The following EVC2 variants were observed in gnomAD, a reference collection of about 807,000 sequenced individuals.
EVC2 encodes EvC ciliary complex subunit 2.
EVC2 carries 148 observed loss-of-function variants against 149.3 expected under a neutral mutation model. The observed-to-expected ratio is 0.99, with a 90% CI of 0.87 to 1.14. The LOEUF (loss-of-function observed/expected upper bound fraction) is 1.14. EVC2 is among the 50% of genes most tolerant of loss of function. The pLI, the probability that EVC2 is intolerant of heterozygous loss-of-function variation, is 0.00. For missense variants in EVC2, 1,854 were observed against 1,627.3 expected, an observed-to-expected ratio of 1.14 and a Z score of -2.40; for synonymous variants, 776 against 649.9, an observed-to-expected ratio of 1.19 and a Z score of -2.95.
At chr4:5,534,598 C>A in the EVC2 span, among the ~76,000 whole-genome samples, 1 of 152,110 alleles carries the variant, frequency 6.6e-6, no homozygotes, top group East Asian at 1.9e-4. Flanking sequence ...AAATAATAAG[C>A]CCCTGCTAAT....
intron 20 of EVC2, among the ~76,000 whole-genome samples, chr4:5,566,751 C>A (rs1381342828): frequency 1.3e-5 from 2 of 152,056 alleles, no homozygotes; most frequent in African/African-American, 4.8e-5. Context: ...CTTGGCCTGT[C>A]CATCTCTCCC....
intron 17 of EVC2, among the ~76,000 whole-genome samples, chr4:5,579,640 G>A (rs1711579637): frequency 1.3e-5 from 2 of 152,122 alleles, no homozygotes; most frequent in South Asian, 2.1e-4. Flanking sequence ...TCAGGAGTTC[G>A]AGACCAGCCT....
At chr4:5,661,604 A>T (rs1323784913) in intron 9 of EVC2, among the ~76,000 whole-genome samples, 1 of 152,256 alleles carries the variant, frequency 6.6e-6, no homozygotes, top group Non-Finnish European at 1.5e-5. Flanking sequence ...ATTTTTGGCC[A>T]AAACAACGGA....
In EVC2 at chr4:5,689,183, T is replaced by C. The variant is rs944632876; in HGVS notation, c.680A>G (p.Gln227Arg). 9.9e-6 allele frequency: 16 copies of C among 1,614,226 alleles called. No homozygotes were observed. Among genetic ancestry groups the C allele is most frequent in the African/African-American group, 1.3e-5 (1 of 75,054 alleles). Residue 227 changes from glutamine (Q) to arginine (R), a missense_variant, in exon 5 of 22, where the codon CAG (glutamine) becomes CGG (arginine). Coordinates refer to ENST00000344408, the MANE Select transcript of EVC2 (RefSeq NM_147127.5). ...SVGNRTSEGF[Q>R]AFSKKFLQVG... is the part of the protein sequence containing the mutation. ...TTGCAGAAACTTCTTGCTAAAAGCC[T>C]GGAATCCTTCCGAGGTCCTGTTTCC... is the stretch of plus-strand genomic sequence containing the variant.
chr4:5,560,032 G>A (rs949559311), downstream of EVC2, among the ~76,000 whole-genome samples: 11 of 151,896 alleles, frequency 7.2e-5, no homozygotes, highest in African/African-American at 1.2e-4. The surrounding 1 kb of genome is among the most constrained non-coding windows in gnomAD (Gnocchi z 4.1). Flanking sequence ...CAGGATTTTC[G>A]TATGTGCGTC....
At chr4:5,624,031 T>C (rs1277820727) in intron 13 of EVC2, among the ~76,000 whole-genome samples, 2 of 152,146 alleles carry the variant, frequency 1.3e-5, no homozygotes, top group African/African-American at 4.8e-5. Context: ...AAAGCTAAGA[T>C]CATTGAGAGA....
intron 7 of EVC2, among the ~76,000 whole-genome samples, chr4:5,673,788 T>C (rs1278274667): frequency 6.6e-6 from 1 of 152,178 alleles, no homozygotes; most frequent in African/African-American, 2.4e-5. Flanking sequence ...GTTTACAGAG[T>C]TTGACTTCAT....
At chr4:5,661,163 T>A (rs1343800357) in intron 9 of EVC2, among the ~76,000 whole-genome samples, 1 of 152,128 alleles carries the variant, frequency 6.6e-6, no homozygotes, top group African/African-American at 2.4e-5. Context: ...AAAAAAAGTT[T>A]CCTGTAAATG....
chr4:5,545,304 A>G (rs886209450), intron 21 of EVC2, among the ~76,000 whole-genome samples: 1 of 152,220 alleles, frequency 6.6e-6, no homozygotes, highest in Admixed American at 6.5e-5. Flanking sequence ...TTCCACTTTC[A>G]GGCCAGGGAA....
Position 5,555,017 on chromosome 4 carries a change from C to CGTGT in EVC2, c.3419+10237_3419+10240dup, listed in dbSNP as rs35387388. Among the ~76,000 whole-genome samples the CGTGT allele has an allele frequency of 9.2e-4, 137 of 149,306 alleles. 1 individual carries two copies. The highest frequency in any genetic ancestry group is 2.5e-3 in the African/African-American group (103 of 40,856). On this transcript the variant is annotated intron_variant and NMD_transcript_variant, in intron 21 of 22. Coordinates refer to the EVC2 transcript ENST00000475313. ...GCATTAGATAACTAGAGAGAGGAAG[C>CGTGT]GTGTGTGTGTGTGTGTGTGTGTGTG...
At chr4:5,687,784 G>T (rs1720824993) in intron 5 of EVC2, among the ~76,000 whole-genome samples, 1 of 152,176 alleles carries the variant, frequency 6.6e-6, no homozygotes, top group Non-Finnish European at 1.5e-5. Flanking sequence ...GCGGGGAAAT[G>T]AGATGAGAGA....
chr4:5,706,066 C>G (rs1722111406), intron 1 of EVC2, among the ~76,000 whole-genome samples: 1 of 152,042 alleles, frequency 6.6e-6, no homozygotes, highest in African/African-American at 2.4e-5. Flanking sequence ...ACATGCGGGC[C>G]ACACCCATGA....
At chr4:5,678,787 T>C (rs1212685623) in intron 7 of EVC2, among the ~76,000 whole-genome samples, 1 of 152,134 alleles carries the variant, frequency 6.6e-6, no homozygotes, top group African/African-American at 2.4e-5. Flanking sequence ...TCCCAGCACT[T>C]TGGGAGGCCG....
intron 9 of EVC2, among the ~76,000 whole-genome samples, chr4:5,650,638 TAGAGAGAGAGAGAGAG>T (rs375595646): frequency 2.2e-5 from 1 of 45,090 alleles, no homozygotes; most frequent in East Asian, 8.8e-4. Flanking sequence ...TATATATATA[TAGAGAGAGAGAGAGAG>T]AGAGAGAGAG....
chr4:5,584,113 T>C (rs1712050730), intron 17 of EVC2, among the ~76,000 whole-genome samples: 1 of 152,130 alleles, frequency 6.6e-6, no homozygotes, highest in South Asian at 2.1e-4. Context: ...ATTATGATAA[T>C]AATAGATAAC....
At chr4:5,590,489 C>T (rs1261024060) in intron 16 of EVC2, among the ~76,000 whole-genome samples, 1 of 151,418 alleles carries the variant, frequency 6.6e-6, no homozygotes, top group Non-Finnish European at 1.5e-5. Context: ...AGGTTTTCTT[C>T]CCTGAGCGCT....
intron 16 of EVC2, among the ~76,000 whole-genome samples, chr4:5,609,408 G>A (rs1714649449): frequency 6.6e-6 from 1 of 152,202 alleles, no homozygotes; most frequent in Non-Finnish European, 1.5e-5. Flanking sequence ...TCAAATTCAG[G>A]AGGAACATTA....
chr4:5,709,327 C>T (rs1367622952), upstream of EVC2: 3 of 152,212 alleles, frequency 2.0e-5, no homozygotes, highest in African/African-American at 7.2e-5. Context: ...CTTCCTCATC[C>T]CTGCCTAGGT....
chr4:5,651,120 C>T (rs911684304), intron 9 of EVC2, among the ~76,000 whole-genome samples: 8 of 151,482 alleles, frequency 5.3e-5, no homozygotes, highest in South Asian at 2.1e-4. Flanking sequence ...AGACGACAGA[C>T]GGAGGGATAG....
Sources: allele counts gnomAD v4.1 joint callset (sites outside exome capture counted in the v4.1 genomes callset), GRCh38; gene constraint gnomAD v4.1.1; non-coding constraint Gnocchi (gnomAD v3.1); transcripts MANE v1.5; gene names NCBI Gene and HGNC (gene_info 2026-07-23, HGNC 2026-07-21).